UBAP1: variants seen among roughly 807,000 people sequenced by gnomAD.
The protein encoded by UBAP1 is ubiquitin-associated protein 1.
In UBAP1, 5 loss-of-function variants were observed where a neutral mutation model predicts 39.0. The ratio of observed to expected loss-of-function variants is 0.13; its 90% CI spans 0.07 to 0.27. UBAP1 has a LOEUF of 0.27. UBAP1 is among the 10% of genes least tolerant of loss of function. The pLI is 1.00. For synonymous variants in UBAP1, 211 were observed against 225.1 expected (o/e 0.94, Z 0.56); for missense variants, 490 against 608.1 (o/e 0.81, Z 2.04).
At chr9:34,244,184 C>A (rs1027373746) in intron 4 of UBAP1, among the ~76,000 whole-genome samples, 2 of 152,042 alleles carry the variant, frequency 1.3e-5, no homozygotes, top group South Asian at 4.1e-4. Context: ...AACCACCAGC[C>A]CCCGACTACT....
chr9:34,208,422 C>T (rs1186247427), intron 1 of UBAP1, among the ~76,000 whole-genome samples: 1 of 152,102 alleles, frequency 6.6e-6, no homozygotes, highest in Non-Finnish European at 1.5e-5. Context: ...GCAGGCAGAT[C>T]ACCTGAGGTC....
chr9:34,224,166 A>C, intron 2 of UBAP1: 1 of 583,302 alleles, frequency 1.7e-6, no homozygotes, highest in East Asian at 3.1e-5. Context: ...CCTTTCATCG[A>C]TTTCTTCTGA....
intron 4 of UBAP1, among the ~76,000 whole-genome samples, chr9:34,243,224 G>A (rs987483919): frequency 2.6e-5 from 4 of 152,100 alleles, no homozygotes; most frequent in Non-Finnish European, 5.9e-5. Flanking sequence ...AAATCTCCCT[G>A]GAAAAGATCA....
intron 1 of UBAP1, among the ~76,000 whole-genome samples, chr9:34,183,270 G>A (rs1053769759): frequency 4.6e-5 from 7 of 151,760 alleles, no homozygotes; most frequent in Non-Finnish European, 1.0e-4. Flanking sequence ...TAGGCCTGGC[G>A]CCATGGCTCA....
At chr9:34,220,657 T>TG (rs1832708799) in intron 1 of UBAP1, among the ~76,000 whole-genome samples, 1 of 151,888 alleles carries the variant, frequency 6.6e-6, no homozygotes, top group South Asian at 2.1e-4. Context: ...AATATAGAGA[T>TG]GGGGTCTCAC....
At chr9:34,188,784 C>A (rs1478668598) in intron 1 of UBAP1, among the ~76,000 whole-genome samples, 1 of 152,002 alleles carries the variant, frequency 6.6e-6, no homozygotes, top group Non-Finnish European at 1.5e-5. Flanking sequence ...TGGTGAAACC[C>A]TGTCTCTCCT....
intron 1 of UBAP1, among the ~76,000 whole-genome samples, chr9:34,186,419 TC>T (rs2131496993): frequency 6.6e-6 from 1 of 152,284 alleles, no homozygotes; most frequent in African/African-American, 2.4e-5. Flanking sequence ...ACCAAACACT[TC>T]CAGTGTTTTG....
intron 4 of UBAP1, among the ~76,000 whole-genome samples, chr9:34,243,080 T>C (rs190301387): frequency 2.4e-4 from 35 of 146,618 alleles, no homozygotes; most frequent in African/African-American, 7.3e-4. Context: ...CCGGGTAAAC[T>C]TGATAGAGTG....
intron 1 of UBAP1, among the ~76,000 whole-genome samples, chr9:34,208,594 A>G (rs1057244729): frequency 3.3e-5 from 5 of 151,990 alleles, no homozygotes; most frequent in African/African-American, 7.2e-5. Flanking sequence ...TGGTTAACAC[A>G]GTGAAATCCC....
At chr9:34,181,291 T>A (rs1169445856) in intron 1 of UBAP1, among the ~76,000 whole-genome samples, 1 of 149,186 alleles carries the variant, frequency 6.7e-6, no homozygotes, top group Admixed American at 6.7e-5. Flanking sequence ...TTTTAAAATA[T>A]TTTTTTAGTA....
At chr9:34,222,437 C>T (rs1242790184) in intron 2 of UBAP1, among the ~76,000 whole-genome samples, 1 of 152,068 alleles carries the variant, frequency 6.6e-6, no homozygotes, top group Non-Finnish European at 1.5e-5. Flanking sequence ...TTCAGGTGAG[C>T]TATTTCCTAT....
intron 4 of UBAP1, 24 bp downstream of exon 4, chr9:34,242,132 G>T: frequency 6.5e-7 from 1 of 1,548,626 alleles, no homozygotes; most frequent in South Asian, 1.2e-5. Flanking sequence ...ATCCCCCGCC[G>T]ACTCCCATAT....
In UBAP1 at chr9:34,218,762, C is replaced by T. The variant is rs369723034; in HGVS notation, c.-7-2146C>T. On this transcript the variant is annotated intron_variant, in intron 1 of 6. Transcript: ENST00000297661. Reference sequence around the variant, plus strand: ...CAGCCTATCCAACATGGCAAAACCCCGTTTCTACTAAAAATACAAAATAAT... The same window carrying T: ...CAGCCTATCCAACATGGCAAAACCCTGTTTCTACTAAAAATACAAAATAAT... Among the ~76,000 whole-genome samples, 495 of 152,138 alleles carry T rather than the reference C, an allele frequency of 3.3e-3. 3 individuals carry two copies. Among genetic ancestry groups the T allele is most frequent in the African/African-American group, 0.011 (438 of 41,532 alleles).
chr9:34,241,279 A>C lies in UBAP1; in HGVS notation c.254A>C (p.Glu85Ala), dbSNP rs1833939915. 6.6e-7 allele frequency: 1 copy of C among 1,506,368 alleles called. No homozygotes were observed. The highest frequency in any genetic ancestry group is 2.3e-5 in the East Asian group (1 of 43,936). The allele number at this position is 1,506,368 out of a possible 1,614,324, so 93.3% of individuals were successfully genotyped here. A position where few individuals can be genotyped will look rare whatever the true frequency, so the allele number is the denominator to read the frequency against. ...CGGGAAGCAGAGTGCAAAATTGCGG[A>C]AGCAGAAGCTAAAGTGAATTCTAAG... The part of the protein sequence containing the change: ...AEREAECKIA[E>A]AEAKVNSKSG... Residue 85 changes from glutamate to alanine, a missense_variant, in exon 4 of 7, where the codon GAA (glutamate) becomes GCA (alanine). Physicochemically the swap from Glu to Ala is moderately radical, Grantham distance 107. Coordinates refer to ENST00000297661, the MANE Select transcript of UBAP1 (RefSeq NM_016525.5).
At chr9:34,229,188 T>C (rs1340367926) in intron 2 of UBAP1, among the ~76,000 whole-genome samples, 1 of 152,100 alleles carries the variant, frequency 6.6e-6, no homozygotes, top group Non-Finnish European at 1.5e-5. Context: ...AGTTTGTCAG[T>C]GTATATCACA....
Position 34,251,802 on chromosome 9 carries a change from C to T in UBAP1, c.*270C>T, listed in dbSNP as rs527901438. On this transcript the variant is annotated 3_prime_UTR_variant, in exon 7 of 7. Transcript: ENST00000297661. ...TGAGAAGTGTCCTTCCCACTTCAGC[C>T]CTCCGGAGAGACTACCCTAGTCTTT... 32 of 392,900 alleles carry T rather than the reference C, an allele frequency of 8.1e-5. No homozygotes were observed. The Middle Eastern group carries it at 2.2e-3, about 27-fold the overall frequency. 24.3% of individuals were successfully genotyped at this position (392,900 alleles called of 1,614,324 possible).
At chr9:34,190,189 T>A (rs749390900) in intron 1 of UBAP1, among the ~76,000 whole-genome samples, 40 of 152,200 alleles carry the variant, frequency 2.6e-4, no homozygotes, top group Non-Finnish European at 5.0e-4. Flanking sequence ...GTTAAAAAAA[T>A]TTAATGTTAA....
At position 34,197,930 on chromosome 9, in the gene UBAP1, C is replaced by T. The variant is rs568338895; in HGVS notation, c.-8+18690C>T. ...AGTAGTCACTTCTTTTAGTCTTTACCAATTCATTTCTGTGAGGAAAGACCT... is the reference window on the plus strand; with the variant it reads ...AGTAGTCACTTCTTTTAGTCTTTACTAATTCATTTCTGTGAGGAAAGACCT... On this transcript the variant is annotated intron_variant, in intron 1 of 6. Transcript: ENST00000297661. Among the ~76,000 whole-genome samples, 22 of 152,236 alleles carry T rather than the reference C, an allele frequency of 1.4e-4. No homozygotes were observed. In the South Asian group the frequency reaches 4.4e-3, roughly 30 times the overall value.
chr9:34,208,219 C>CT (rs557538144), intron 1 of UBAP1, among the ~76,000 whole-genome samples: 10 of 146,674 alleles, frequency 6.8e-5, no homozygotes, highest in Admixed American at 4.8e-4. Flanking sequence ...TTGGTTGTTA[C>CT]TTTTTTTTTT....
Sources: gnomAD v4.1 joint callset for allele counts (sites outside exome capture counted in the v4.1 genomes callset) on GRCh38, gnomAD v4.1.1 for gene constraint, MANE v1.5 for transcripts, NCBI Gene and HGNC (gene_info 2026-07-23, HGNC 2026-07-21) for gene names.